Variants in RNF169 observed in about 807,000 individuals in gnomAD.
RNF169 encodes the protein E3 ubiquitin-protein ligase RNF169.
In RNF169, 24 loss-of-function variants were observed where a neutral mutation model predicts 53.9. That is an observed-to-expected ratio of 0.45 (90% CI 0.32 to 0.63). The LOEUF is 0.63. RNF169 is among the 20% of genes least tolerant of loss of function. The pLI is 0.04. For missense variants in RNF169, 883 were observed against 906.2 expected (o/e 0.97, Z 0.33); for synonymous variants, 396 against 363.5 (o/e 1.09, Z -1.02).
intron 1 of RNF169, among the ~76,000 whole-genome samples, chr11:74,752,280 A>T (rs2135299464): frequency 6.8e-6 from 1 of 147,214 alleles, no homozygotes; most frequent in East Asian, 2.0e-4. Flanking sequence ...ATTCTCTCTT[A>T]CCCCCTTATT....
chr11:74,840,603 ATC>A lies in RNF169; in HGVS notation c.*3878_*3879del, dbSNP rs1464671766. 6.6e-6 allele frequency: 1 copy of A among 152,078 alleles called. No individual in the cohort carries two copies. 9.4% of individuals were successfully genotyped at this position (152,078 alleles called of 1,614,324 possible). ...ACCACCTAATCTCTCCCCCAACCTG[ATC>A]TCTCATCAGAGCTGGCAGCAACTTG... is the stretch of plus-strand genomic sequence containing the variant. On this transcript the variant is annotated 3_prime_UTR_variant, in exon 6 of 6. Coordinates refer to ENST00000299563, the MANE Select transcript of RNF169 (RefSeq NM_001098638.2).
At position 74,817,722 on chromosome 11, in the gene RNF169, A is replaced by T. The variant is rs2135127454; in HGVS notation, c.842+8A>T. 6.5e-7 allele frequency: 1 copy of T among 1,549,646 alleles called. No homozygotes were observed. The highest frequency in any genetic ancestry group is 8.9e-7 in the Non-Finnish European group (1 of 1,121,264). On this transcript the variant is annotated splice_region_variant and intron_variant, in intron 4 of 5. Coordinates refer to ENST00000299563, the MANE Select transcript of RNF169 (RefSeq NM_001098638.2). ...CTTAGCTTTCCTGGCAGGGTAAGAG[A>T]CTGATGCTGAATTCAGTCAGGGGTC...
chr11:74,800,340 T>C (rs1159478993), intron 2 of RNF169, among the ~76,000 whole-genome samples: 2 of 152,160 alleles, frequency 1.3e-5, no homozygotes, highest in African/African-American at 4.8e-5. Flanking sequence ...GCAGACTTTT[T>C]AAAAAATGCA....
chr11:74,811,939 C>G (rs751233072), intron 3 of RNF169, among the ~76,000 whole-genome samples: 2 of 152,222 alleles, frequency 1.3e-5, no homozygotes, highest in Non-Finnish European at 2.9e-5. Context: ...CCTGACAGTT[C>G]TACCCTATTA....
At chr11:74,765,828 AAAAC>A (rs531247427) in intron 1 of RNF169, among the ~76,000 whole-genome samples, 3 of 151,818 alleles carry the variant, frequency 2.0e-5, no homozygotes, top group African/African-American at 2.4e-5. Flanking sequence ...AACAAAAACA[AAAAC>A]AAAAAAACCC....
chr11:74,841,356 G>C lies in RNF169; in HGVS notation c.*4626G>C, dbSNP rs929674122. 3.3e-5 allele frequency: 5 copies of C among 152,170 alleles called. No homozygotes were observed. The highest frequency in any genetic ancestry group is 1.2e-4 in the African/African-American group (5 of 41,432). The allele number at this position is 152,170 out of a possible 1,614,324, so 9.4% of individuals were successfully genotyped here. On this transcript the variant is annotated 3_prime_UTR_variant, in exon 6 of 6. Transcript: ENST00000299563. ...GCTGAAGAGATTTTCTTCTGAAGATGATCTAGGAAATGCATCTTTATACAT... is the reference window on the plus strand; with the variant it reads ...GCTGAAGAGATTTTCTTCTGAAGATCATCTAGGAAATGCATCTTTATACAT...
chr11:74,836,839 A>G lies in RNF169; in HGVS notation c.*109A>G. The G allele has an allele frequency of 1.2e-6, 1 of 832,176 alleles. No individual in the cohort carries two copies. Among genetic ancestry groups the G allele is most frequent in the African/African-American group, 1.7e-5 (1 of 58,340 alleles). 51.5% of individuals were successfully genotyped at this position (832,176 alleles called of 1,614,324 possible). On this transcript the variant is annotated 3_prime_UTR_variant, in exon 6 of 6. Transcript: ENST00000299563. ...TTATTTTAATGGCAAAACACTGTCT[A>G]ATATGGTTCTGAGAGGTTCCAGGGC...
At chr11:74,803,882 T>C (rs1463822107) in intron 2 of RNF169, among the ~76,000 whole-genome samples, 1 of 152,274 alleles carries the variant, frequency 6.6e-6, no homozygotes, top group Admixed American at 6.5e-5. Context: ...GTAAATATTG[T>C]ACAGGCATTT....
chr11:74,834,843 T>G lies in RNF169; in HGVS notation c.942+68T>G, dbSNP rs11236257. On this transcript the variant is annotated intron_variant, in intron 5 of 5. Coordinates refer to ENST00000299563, the MANE Select transcript of RNF169 (RefSeq NM_001098638.2). ...CCATCACCCCCTCTGCACATGGTCA[T>G]GAAATAAACTATTCCAGAAGAGAAG... The G allele has an allele frequency of 2.8e-3, 2,836 of 998,106 alleles. 63 individuals carry two copies. In the African/African-American group the frequency reaches 0.04, roughly 14 times the overall value. The allele number at this position is 998,106 out of a possible 1,614,324, so 61.8% of individuals were successfully genotyped here. A position where few individuals can be genotyped will look rare whatever the true frequency, so the allele number is the denominator to read the frequency against.
rs1206252029 is a variant in RNF169 at position 74,827,395 on chromosome 11, TGTGAAGACTTCTGACATGCC to T, written c.843-7272_843-7253del. ...CTGGGCCTGCAGTGGGAGGGCTTGC[TGTGAAGACTTCTGACATGCC>T]GTGAAGACATTTTCCCCATTGTCTT... On this transcript the variant is annotated intron_variant, in intron 4 of 5. Coordinates refer to ENST00000299563, the MANE Select transcript of RNF169 (RefSeq NM_001098638.2). 1.3e-5 allele frequency among the ~76,000 whole-genome samples: 2 copies of T among 152,260 alleles called. 1 individual carries two copies. The highest frequency in any genetic ancestry group is 4.1e-4 in the South Asian group (2 of 4,836).
intron 4 of RNF169, among the ~76,000 whole-genome samples, chr11:74,829,215 C>T (rs575950631): frequency 6.6e-6 from 1 of 152,284 alleles, no homozygotes; most frequent in African/African-American, 2.4e-5. Flanking sequence ...AGAAGACATA[C>T]ATGTGGCCAA....
In RNF169 at chr11:74,749,153, C is replaced by T. The variant is rs1351204437; in HGVS notation, c.273C>T (p.Cys91=). The change falls in exon 1 of 6, where the codon TGC becomes TGT. Residue 91 remains cysteine (C), a synonymous_variant. Coordinates refer to ENST00000299563, the MANE Select transcript of RNF169 (RefSeq NM_001098638.2). Reference sequence around the variant, plus strand: ...GCGGCCACTCGCTTTGCCGAGGCTGCGCCCAACGCGCCGCCGACGCGGCGG... The same window carrying T: ...GCGGCCACTCGCTTTGCCGAGGCTGTGCCCAACGCGCCGCCGACGCGGCGG... ...LPCGHSLCRG[C]AQRAADAAGP... The T allele has an allele frequency of 1.6e-6, 2 of 1,262,834 alleles. No individual in the cohort carries two copies. The highest frequency in any genetic ancestry group is 2.0e-6 in the Non-Finnish European group (2 of 1,006,108). The allele number at this position is 1,262,834 out of a possible 1,614,324, so 78.2% of individuals were successfully genotyped here. A position where few individuals can be genotyped will look rare whatever the true frequency, so the allele number is the denominator to read the frequency against.
chr11:74,774,221 C>T (rs548422015), intron 1 of RNF169, among the ~76,000 whole-genome samples: 1 of 152,056 alleles, frequency 6.6e-6, no homozygotes, highest in East Asian at 1.9e-4. Flanking sequence ...TGGCACATGC[C>T]TGTAATCCCG....
intron 1 of RNF169, among the ~76,000 whole-genome samples, chr11:74,788,708 C>A (rs1290384211): frequency 6.6e-6 from 1 of 152,180 alleles, no homozygotes; most frequent in Non-Finnish European, 1.5e-5. Context: ...TTTTTAATTG[C>A]AGTGTGTTAA....
intron 1 of RNF169, among the ~76,000 whole-genome samples, chr11:74,775,646 C>CCAGGCAAT (rs2035322540): frequency 6.6e-6 from 1 of 151,942 alleles, no homozygotes; most frequent in Admixed American, 6.6e-5. Flanking sequence ...CTGGAATATT[C>CCAGGCAAT]TTCCCTCTTA....
chr11:74,785,206 A>G (rs1300814827), intron 1 of RNF169, among the ~76,000 whole-genome samples: 1 of 121,072 alleles, frequency 8.3e-6, no homozygotes, highest in African/African-American at 4.3e-5. Context: ...TGATATATAT[A>G]TATGATATAT....
At chr11:74,807,768 A>G (rs2035825062) in intron 2 of RNF169, 1 of 152,212 alleles carries the variant, frequency 6.6e-6, no homozygotes, top group South Asian at 2.1e-4. Flanking sequence ...TCACATTTAA[A>G]ATGCTACTTT....
At chr11:74,774,411 C>G (rs964406027) in intron 1 of RNF169, among the ~76,000 whole-genome samples, 4 of 151,402 alleles carry the variant, frequency 2.6e-5, no homozygotes, top group African/African-American at 9.7e-5. Flanking sequence ...CCAGTTTATC[C>G]CAGATTGATA....
At chr11:74,823,294 G>T (rs184753101) in intron 4 of RNF169, among the ~76,000 whole-genome samples, 18 of 152,188 alleles carry the variant, frequency 1.2e-4, no homozygotes, top group African/African-American at 4.3e-4. Context: ...ACTTTGCCTG[G>T]TGACATGAGC....
Sources: gnomAD v4.1 joint callset for allele counts (sites outside exome capture counted in the v4.1 genomes callset) on GRCh38, gnomAD v4.1.1 for gene constraint, MANE v1.5 for transcripts, NCBI Gene and HGNC (gene_info 2026-07-23, HGNC 2026-07-21) for gene names.